ZSWIM5: variants seen among roughly 807,000 people sequenced by gnomAD.
ZSWIM5 encodes the protein zinc finger SWIM-type containing 5, also known as zinc finger SWIM domain-containing protein 5.
A neutral mutation model predicts 119.6 loss-of-function variants in ZSWIM5; 55 were observed. The observed-to-expected ratio is 0.46, with a 90% CI of 0.37 to 0.58. The LOEUF is 0.58. Ranked by LOEUF, ZSWIM5 falls within the 20% of genes least tolerant of loss-of-function variation. ZSWIM5 has a pLI of 0.00. For missense variants in ZSWIM5, 1,193 were observed against 1,512.8 expected, an observed-to-expected ratio of 0.79 and a Z score of 3.51; for synonymous variants, 537 against 606.9, an observed-to-expected ratio of 0.88 and a Z score of 1.69.
intron 12 of ZSWIM5, 150 bp from the exon 13 acceptor site, chr1:45,020,297 C>A: frequency 1.4e-6 from 1 of 701,208 alleles, no homozygotes; most frequent in Non-Finnish European, 2.5e-6. Flanking sequence ...ATTTCTTTCC[C>A]AGCCCTCCCA....
chr1:45,161,732 C>T (rs1557784480), intron 1 of ZSWIM5, among the ~76,000 whole-genome samples: 2 of 152,116 alleles, frequency 1.3e-5, no homozygotes, highest in African/African-American at 4.8e-5. Context: ...TTTCTTTTTA[C>T]CATGAACTAG....
Position 45,203,330 on chromosome 1 carries a change from G to C in ZSWIM5, c.595+2426C>G, listed in dbSNP as rs375538417. Among the ~76,000 whole-genome samples the C allele has an allele frequency of 2.8e-4, 42 of 151,926 alleles. No individual in the cohort carries two copies. The East Asian group carries it at 4.2e-3, about 15-fold the overall frequency. On this transcript the variant is annotated intron_variant, in intron 1 of 13. Coordinates refer to ENST00000359600, the MANE Select transcript of ZSWIM5 (RefSeq NM_020883.2). ...GTTTTTGTTTGTTTTTAATTTATTT[G>C]CCTTGAAGGCTTTTTTGTTTGTGCT...
intron 1 of ZSWIM5, among the ~76,000 whole-genome samples, chr1:45,113,859 G>A (rs896354323): frequency 6.6e-6 from 1 of 152,114 alleles, no homozygotes; most frequent in Middle Eastern, 3.2e-3. Flanking sequence ...TGCTCCTCCT[G>A]ATTTCCCAGA....
At chr1:45,174,068 A>C (rs910755992) in intron 1 of ZSWIM5, among the ~76,000 whole-genome samples, 1 of 152,108 alleles carries the variant, frequency 6.6e-6, no homozygotes, top group Non-Finnish European at 1.5e-5. Context: ...TGAGGTCAGG[A>C]ATTTGAGACC....
chr1:45,034,817 T>C (rs1324732105), intron 10 of ZSWIM5, among the ~76,000 whole-genome samples: 1 of 152,222 alleles, frequency 6.6e-6, no homozygotes, highest in Non-Finnish European at 1.5e-5. Flanking sequence ...TGTCTCTCTC[T>C]GTTGCATAGG....
chr1:45,166,770 T>G (rs1645906645), intron 1 of ZSWIM5, among the ~76,000 whole-genome samples: 1 of 152,072 alleles, frequency 6.6e-6, no homozygotes, highest in Non-Finnish European at 1.5e-5. Flanking sequence ...ACAAGGGATG[T>G]GAAGGACCTC....
intron 1 of ZSWIM5, among the ~76,000 whole-genome samples, chr1:45,122,552 G>A (rs530290868): frequency 6.6e-6 from 1 of 152,202 alleles, no homozygotes; most frequent in African/African-American, 2.4e-5. Flanking sequence ...GCAGAAGGCA[G>A]ACTGGTTAGG....
At position 45,188,844 on chromosome 1, in the gene ZSWIM5, G is replaced by A. The variant is rs1646074745; in HGVS notation, c.595+16912C>T. The stretch of plus-strand genomic sequence containing the variant: ...TCACACAGATATATAACTGAGGAAA[G>A]TTAAAATCCAACTCCTTTTCAATTC... On this transcript the variant is annotated intron_variant, in intron 1 of 13. Coordinates refer to ENST00000359600, the MANE Select transcript of ZSWIM5 (RefSeq NM_020883.2). Among the ~76,000 whole-genome samples, 3 of 152,206 alleles carry A rather than the reference G, an allele frequency of 2.0e-5. No homozygotes were observed. In the South Asian group the frequency reaches 6.2e-4, roughly 31 times the overall value.
intron 7 of ZSWIM5, 69 bp downstream of exon 7, chr1:45,040,323 C>T (rs1422755886): frequency 2.9e-5 from 42 of 1,440,428 alleles, no homozygotes; most frequent in Non-Finnish European, 3.9e-5. Flanking sequence ...TTCTTCTGGG[C>T]CTTGTATCCC....
intron 8 of ZSWIM5, among the ~76,000 whole-genome samples, chr1:45,036,947 T>G (rs899468059): frequency 1.3e-5 from 2 of 150,796 alleles, no homozygotes; most frequent in Non-Finnish European, 3.0e-5. Context: ...TACAGGCACA[T>G]GCCACCATGC....
In ZSWIM5 at chr1:45,170,480, G is replaced by A. The variant is rs1436850412; in HGVS notation, c.595+35276C>T. Among the ~76,000 whole-genome samples the A allele has an allele frequency of 5.3e-5, 8 of 150,582 alleles. No individual in the cohort carries two copies. The East Asian group carries it at 1.2e-3, about 22-fold the overall frequency. On this transcript the variant is annotated intron_variant, in intron 1 of 13. Transcript: ENST00000359600. ...TGCTCTGTCACCCCAGGTGGAGTGC[G>A]GTGGCAGGATCATGACTCACTGCAA...
Position 45,044,819 on chromosome 1 carries a change from A to T in ZSWIM5, c.1433-1424T>A, listed in dbSNP as rs1369194923. Among the ~76,000 whole-genome samples, 9 of 7,912 alleles carry T rather than the reference A, an allele frequency of 1.1e-3. 4 individuals carry two copies. Among genetic ancestry groups the T allele is most frequent in the African/African-American group, 5.3e-3 (9 of 1,688 alleles). The allele number at this position is 7,912 out of a possible 152,430, so 5.2% of individuals were successfully genotyped here. On this transcript the variant is annotated intron_variant, in intron 5 of 13. Transcript: ENST00000359600. ...TATATATATAAATATATATATATAT[A>T]TAAATATATATATATAAATATATAT...
chr1:45,163,309 C>T (rs887856688), intron 1 of ZSWIM5, among the ~76,000 whole-genome samples: 11 of 152,172 alleles, frequency 7.2e-5, no homozygotes, highest in African/African-American at 2.4e-4. Flanking sequence ...CACACCAAAA[C>T]CCCATCTGTA....
chr1:45,117,429 C>T (rs757870350), intron 1 of ZSWIM5, among the ~76,000 whole-genome samples: 4 of 152,154 alleles, frequency 2.6e-5, no homozygotes, highest in Admixed American at 1.3e-4. Context: ...AATCCCAGAA[C>T]GTTGGGAGGC....
At chr1:45,115,985 G>A (rs1027551084) in intron 1 of ZSWIM5, among the ~76,000 whole-genome samples, 3 of 152,158 alleles carry the variant, frequency 2.0e-5, no homozygotes, top group Non-Finnish European at 2.9e-5. Flanking sequence ...GCGCGCGCCC[G>A]CAATCCCAGG....
intron 1 of ZSWIM5, among the ~76,000 whole-genome samples, chr1:45,127,457 TA>T (rs1401306658): frequency 1.7e-4 from 25 of 151,196 alleles, no homozygotes; most frequent in Admixed American, 6.6e-5. Context: ...TTTTTTTTTT[TA>T]AAAGAGACAG....
rs1038273442 is a variant in ZSWIM5 at position 45,096,445 on chromosome 1, T to C, written c.596-8208A>G. On this transcript the variant is annotated intron_variant, in intron 1 of 13. Coordinates refer to ENST00000359600, the MANE Select transcript of ZSWIM5 (RefSeq NM_020883.2). Reference sequence around the variant, plus strand: ...TGGTAGATAACTGTTTGTGTGTGTGTGTGTGTGTGTGTGTGTGCGTGTGTG... The same window carrying C: ...TGGTAGATAACTGTTTGTGTGTGTGCGTGTGTGTGTGTGTGTGCGTGTGTG... Among the ~76,000 whole-genome samples the C allele has an allele frequency of 3.3e-5, 5 of 150,334 alleles. No individual in the cohort carries two copies. The East Asian group carries it at 6.0e-4, about 18-fold the overall frequency.
At chr1:45,130,619 C>G (rs1332613776) in intron 1 of ZSWIM5, among the ~76,000 whole-genome samples, 18 of 151,914 alleles carry the variant, frequency 1.2e-4, no homozygotes, top group Admixed American at 1.1e-3. Flanking sequence ...GCAGAAAAAC[C>G]GAATCACTTG....
At chr1:45,020,029 C>A (rs1398620779) in intron 13 of ZSWIM5, 37 bp downstream of exon 13, 1 of 1,589,208 alleles carries the variant, frequency 6.3e-7, no homozygotes. Flanking sequence ...CCTAGAAACT[C>A]CTTTCCCCTG....
Sources: allele counts gnomAD v4.1 joint callset (sites outside exome capture counted in the v4.1 genomes callset), GRCh38; gene constraint gnomAD v4.1.1; transcripts MANE v1.5; gene names NCBI Gene and HGNC (gene_info 2026-07-23, HGNC 2026-07-21).